The following EEF2 variants were observed in gnomAD, a reference collection of about 807,000 sequenced individuals.
The protein encoded by EEF2 is elongation factor 2.
A neutral mutation model predicts 85.3 loss-of-function variants in EEF2; 21 were observed. The observed-to-expected ratio is 0.25, with a 90% CI of 0.17 to 0.35. EEF2 has a LOEUF of 0.35. EEF2 is among the 10% of genes least tolerant of loss of function. EEF2 has a pLI of 1.00. For missense variants in EEF2, 825 were observed against 1,225.3 expected (o/e 0.67, Z 4.88); for synonymous variants, 723 against 508.8 (o/e 1.42, Z -5.67).
rs1422532037 is a variant in EEF2 at position 3,984,924 on chromosome 19, G to A, written c.3+454C>T. 8 of 179,088 alleles carry A rather than the reference G, an allele frequency of 4.5e-5. No individual in the cohort carries two copies. The East Asian group carries it at 1.2e-3, about 26-fold the overall frequency. The allele number at this position is 179,088 out of a possible 1,614,324, so 11.1% of individuals were successfully genotyped here. A position where few individuals can be genotyped will look rare whatever the true frequency, so the allele number is the denominator to read the frequency against. ...CTAAGGTCGACGATTAACAGCATCA[G>A]GAGAAGGTATTTGGAAGGAAAAGGG... is the stretch of plus-strand genomic sequence containing the variant. On this transcript the variant is annotated intron_variant, in intron 1 of 14. Coordinates refer to ENST00000309311, the MANE Select transcript of EEF2 (RefSeq NM_001961.4).
rs1310012265 is a variant in EEF2, at chr19:3,983,162, A to T, written c.348T>A (p.Thr116=). The part of the protein sequence containing the change: ...PGHVDFSSEV[T]AALRVTDGAL... ...CGCCATCGGTGACTCGGAGGGCAGCAGTCACCTCCGAGGAGAAGTCGACAT... is the reference window on the plus strand; with the variant it reads ...CGCCATCGGTGACTCGGAGGGCAGCTGTCACCTCCGAGGAGAAGTCGACAT... Residue 116 remains threonine (T), a synonymous_variant, in exon 3 of 15, where the codon ACT becomes ACA. Transcript: ENST00000309311. 1.2e-6 allele frequency: 2 copies of T among 1,614,130 alleles called. No individual in the cohort carries two copies. The highest frequency in any genetic ancestry group is 2.2e-5 in the South Asian group (2 of 91,080).
rs933795495 is a variant in EEF2, at chr19:3,982,428, G to C, written c.613-4C>G. 9.9e-6 allele frequency: 16 copies of C among 1,613,892 alleles called. No homozygotes were observed. Among genetic ancestry groups the C allele is most frequent in the South Asian group, 5.5e-5 (5 of 91,092 alleles). On this transcript the variant is annotated splice_region_variant and splice_polypyrimidine_tract_variant and intron_variant, in intron 4 of 14. Transcript: ENST00000309311. ...CGGTACCGAGGACAGGATCGATCTG[G>C]AAGTGTGAGAAACGAGAAGCAGCCG...
At chr19:3,981,522 G>T in intron 6 of EEF2, 70 bp from the exon 7 acceptor site, 1 of 1,434,262 alleles carries the variant, frequency 7.0e-7, no homozygotes, top group Non-Finnish European at 9.8e-7. Context: ...ACTGCTTCCT[G>T]CTTGGAAGAC....
Position 3,978,058 on chromosome 19 carries a change from G to C in EEF2, c.1828C>G (p.Pro610Ala). The C allele has an allele frequency of 1.3e-6, 2 of 1,587,690 alleles. No homozygotes were observed. The highest frequency in any genetic ancestry group is 1.7e-6 in the Non-Finnish European group (2 of 1,163,842). ...NRLYMKARPF[P>A]DGLAEDIDKG... ...TCGATGTCCTCGGCCAGGCCGTCGGGGAAGGGCCGCGCCTTCATGTACAGC... is the reference window on the plus strand; with the variant it reads ...TCGATGTCCTCGGCCAGGCCGTCGGCGAAGGGCCGCGCCTTCATGTACAGC... The change falls in exon 12 of 15, where the codon CCC becomes GCC. Residue 610 changes from proline (P) to alanine (A), a missense_variant. Coordinates refer to ENST00000309311, the MANE Select transcript of EEF2 (RefSeq NM_001961.4).
rs2039728392 is a variant in EEF2, at chr19:3,980,249, C to T, written c.1347-183G>A. On this transcript the variant is annotated intron_variant, in intron 9 of 14. Transcript: ENST00000309311. Reference sequence around the variant, plus strand: ...GGAAACATCCTCTTCAGAATCACTGCCCTCCTCCCTGGGTATGGGTCGACG... The same window carrying T: ...GGAAACATCCTCTTCAGAATCACTGTCCTCCTCCCTGGGTATGGGTCGACG... Among the ~76,000 whole-genome samples, 5 of 152,214 alleles carry T rather than the reference C, an allele frequency of 3.3e-5. No individual in the cohort carries two copies. In the South Asian group the frequency reaches 1.0e-3, roughly 32 times the overall value.
At position 3,977,784 on chromosome 19, in the gene EEF2, C is replaced by T. The variant is rs575913567; in HGVS notation, c.2067+35G>A. 7.2e-5 allele frequency: 110 copies of T among 1,532,706 alleles called. No homozygotes were observed. The East Asian group carries it at 1.4e-3, about 19-fold the overall frequency. 94.9% of individuals were successfully genotyped at this position (1,532,706 alleles called of 1,614,324 possible). On this transcript the variant is annotated intron_variant, in intron 12 of 14. Transcript: ENST00000309311. The surrounding 1 kb of genome is among the most constrained non-coding windows in gnomAD (Gnocchi z 5.4). ...ATGAGGTCCCTCTAGAGCCTGGAAA[C>T]GGGTGTGGTCTGCACATGCTGAGCC... is the stretch of plus-strand genomic sequence containing the variant.
At chr19:3,984,967 C>G in intron 1 of EEF2, 1 of 178,008 alleles carries the variant, frequency 5.6e-6, no homozygotes. Context: ...TCAGGTGTCG[C>G]TTTGCTCGTT....
chr19:3,978,436 C>T (rs1314833599), intron 11 of EEF2, among the ~76,000 whole-genome samples: 1 of 152,184 alleles, frequency 6.6e-6, no homozygotes, highest in Non-Finnish European at 1.5e-5. Flanking sequence ...GAAACGAGGT[C>T]TGGAGCAGGC....
At chr19:3,976,854 G>C in intron 14 of EEF2, 107 bp from the exon 15 acceptor site, 1 of 1,274,290 alleles carries the variant, frequency 7.8e-7, no homozygotes, top group Non-Finnish European at 1.1e-6. Context: ...TCACCCTGCA[G>C]ACCAGACACT....
rs1206044738 is a variant in EEF2 at position 3,985,223 on chromosome 19, T to G, written c.3+155A>C. ...CGGTGAACAGCGCGGCGCACAGACA[T>G]GGCGGCGGCCGCTTCCCCAGCCCCG... On this transcript the variant is annotated intron_variant, in intron 1 of 14. Transcript: ENST00000309311. 1.0e-5 allele frequency: 8 copies of G among 801,610 alleles called. No homozygotes were observed. In the African/African-American group the frequency reaches 1.4e-4, roughly 14 times the overall value. The allele number at this position is 801,610 out of a possible 1,614,324, so 49.7% of individuals were successfully genotyped here.
chr19:3,976,375 T>C lies in EEF2; in HGVS notation c.*179A>G, dbSNP rs1351926469. 2 of 461,436 alleles carry C rather than the reference T, an allele frequency of 4.3e-6. No individual in the cohort carries two copies. Among genetic ancestry groups the C allele is most frequent in the African/African-American group, 2.2e-5 (1 of 45,006 alleles). 28.6% of individuals were successfully genotyped at this position (461,436 alleles called of 1,614,324 possible). On this transcript the variant is annotated 3_prime_UTR_variant, in exon 15 of 15. Transcript: ENST00000309311. The stretch of plus-strand genomic sequence containing the variant: ...GCTGCCTCCGGACTCTGGAAATAAA[T>C]ATTGAAAGAAACGGCATCAAGTGTT...
At chr19:3,980,421 T>C in intron 9 of EEF2, 93 bp downstream of exon 9, 1 of 1,442,358 alleles carries the variant, frequency 6.9e-7, no homozygotes. Flanking sequence ...TCTATGCTCC[T>C]TACTTCTAGC....
chr19:3,984,965 CGCTTT>C, intron 1 of EEF2: 1 of 185,682 alleles, frequency 5.4e-6, no homozygotes, highest in Non-Finnish European at 9.7e-6. Flanking sequence ...TTTCAGGTGT[CGCTTT>C]GCTCGTTCTG....
Position 3,977,768 on chromosome 19 carries a change from C to T in EEF2, c.2067+51G>A. 6.6e-7 allele frequency: 1 copy of T among 1,522,738 alleles called. No homozygotes were observed. Among genetic ancestry groups the T allele is most frequent in the East Asian group, 2.3e-5 (1 of 43,878 alleles). The allele number at this position is 1,522,738 out of a possible 1,614,324, so 94.3% of individuals were successfully genotyped here. Reference sequence around the variant, plus strand: ...CTCGGGAGGCAGGACCATGAGGTCCCTCTAGAGCCTGGAAACGGGTGTGGT... The same window carrying T: ...CTCGGGAGGCAGGACCATGAGGTCCTTCTAGAGCCTGGAAACGGGTGTGGT... On this transcript the variant is annotated intron_variant, in intron 12 of 14. Coordinates refer to ENST00000309311, the MANE Select transcript of EEF2 (RefSeq NM_001961.4). This position sits in a 1 kb window ranked among gnomAD's most constrained non-coding sequence, Gnocchi z 5.4.
chr19:3,978,076 T>A lies in EEF2; in HGVS notation c.1810A>T (p.Met604Leu), dbSNP rs768970441. 2 of 1,561,382 alleles carry A rather than the reference T, an allele frequency of 1.3e-6. No individual in the cohort carries two copies. The highest frequency in any genetic ancestry group is 1.8e-5 in the Admixed American group (1 of 54,834). The part of the protein sequence containing the change: ...KSPNKHNRLY[M>L]KARPFPDGLA... ...CCGTCGGGGAAGGGCCGCGCCTTCATGTACAGCCGGTTGTGCTTGTTGGGG... is the reference window on the plus strand; with the variant it reads ...CCGTCGGGGAAGGGCCGCGCCTTCAAGTACAGCCGGTTGTGCTTGTTGGGG... Residue 604 changes from methionine (M) to leucine (L), a missense_variant, in exon 12 of 15, where the codon ATG becomes TTG. Physicochemically the swap from Met to Leu is conservative, Grantham distance 15. Coordinates refer to ENST00000309311, the MANE Select transcript of EEF2 (RefSeq NM_001961.4).
intron 5 of EEF2, 63 bp from the exon 6 acceptor site, chr19:3,982,115 G>A: frequency 1.3e-6 from 2 of 1,599,028 alleles, no homozygotes; most frequent in Non-Finnish European, 1.7e-6. Context: ...GGGGAGGGTG[G>A]TCGCCAAGGG....
chr19:3,979,465 G>A (rs72976913), intron 10 of EEF2, 29 bp from the exon 11 acceptor site: 366 of 1,594,890 alleles, frequency 2.3e-4, no homozygotes, highest in Non-Finnish European at 3.0e-4. Flanking sequence ...AGCACCAAAG[G>A]GGTAGGCGGC....
At chr19:3,981,545 A>G in intron 6 of EEF2, 93 bp from the exon 7 acceptor site, 1 of 1,177,246 alleles carries the variant, frequency 8.5e-7, no homozygotes, top group Non-Finnish European at 1.2e-6. Flanking sequence ...AGGTCAGCGC[A>G]GGGGGACGCA....
intron 11 of EEF2, among the ~76,000 whole-genome samples, 164 bp downstream of exon 11, chr19:3,979,165 A>G (rs1387755586): frequency 6.6e-6 from 1 of 152,136 alleles, no homozygotes; most frequent in Non-Finnish European, 1.5e-5. Flanking sequence ...ACAGCCCCAC[A>G]TGCCTGTGGA....
Sources: gnomAD v4.1 joint callset for allele counts (sites outside exome capture counted in the v4.1 genomes callset) on GRCh38, gnomAD v4.1.1 for gene constraint, Gnocchi (gnomAD v3.1) non-coding constraint, MANE v1.5 for transcripts, NCBI Gene and HGNC (gene_info 2026-07-23, HGNC 2026-07-21) for gene names.